Variants in EBF3 observed in about 807,000 individuals in gnomAD.
EBF3 encodes transcription factor COE3.
EBF3 carries 18 observed loss-of-function variants against 77.1 expected under a neutral mutation model. The ratio of observed to expected loss-of-function variants is 0.23; its 90% confidence interval spans 0.16 to 0.35. The LOEUF (loss-of-function observed/expected upper bound fraction) is 0.35, where lower values mean the gene tolerates loss of function less well. Ranked by LOEUF, EBF3 falls within the 10% of genes least tolerant of loss-of-function variation. EBF3 has a pLI of 1.00. For synonymous variants in EBF3, 350 were observed against 343.5 expected, an observed-to-expected ratio of 1.02 and a Z score of -0.21; for missense variants, 558 against 860.0, an observed-to-expected ratio of 0.65 and a Z score of 4.39.
chr10:129,910,326 A>G (rs1255362314), intron 6 of EBF3, among the ~76,000 whole-genome samples: 1 of 152,240 alleles, frequency 6.6e-6, no homozygotes, highest in Non-Finnish European at 1.5e-5. Flanking sequence ...GTCTTTAACA[A>G]AAGAGACTGC....
At chr10:129,872,024 A>C (rs1212551763) in intron 8 of EBF3, among the ~76,000 whole-genome samples, 1 of 152,226 alleles carries the variant, frequency 6.6e-6, no homozygotes, top group African/African-American at 2.4e-5. Flanking sequence ...TTCTGCTTAC[A>C]GTCAAATGCT....
chr10:129,959,820 C>G (rs1439079243), intron 4 of EBF3, among the ~76,000 whole-genome samples: 6 of 151,958 alleles, frequency 3.9e-5, no homozygotes, highest in Non-Finnish European at 8.8e-5. Flanking sequence ...CCAGGGCGCC[C>G]GAGCCCGCGC....
Position 129,932,676 on chromosome 10 carries a change from C to T in EBF3, c.554+24582G>A, listed in dbSNP as rs139165970. Among the ~76,000 whole-genome samples, 275 of 152,254 alleles carry T rather than the reference C, an allele frequency of 1.8e-3. 1 individual carries two copies. The highest frequency in any genetic ancestry group is 6.4e-3 in the African/African-American group (266 of 41,560). The stretch of plus-strand genomic sequence containing the variant: ...TTGCCACGCAATTTTTTTTCCTGCA[C>T]ATTTTGCATTTCAAACCACAGAAAC... On this transcript the variant is annotated intron_variant, in intron 6 of 16. Transcript: ENST00000440978.
intron 6 of EBF3, among the ~76,000 whole-genome samples, chr10:129,953,598 G>A (rs947197346): frequency 2.0e-5 from 3 of 152,200 alleles, no homozygotes; most frequent in African/African-American, 2.4e-5. Context: ...CGCCGGAGAC[G>A]GTGCCATCTG....
intron 6 of EBF3, among the ~76,000 whole-genome samples, chr10:129,905,420 A>G (rs1193143892): frequency 6.7e-6 from 1 of 149,556 alleles, no homozygotes; most frequent in Non-Finnish European, 1.5e-5. Flanking sequence ...TCTTTCTTAT[A>G]TTTTATATTA....
intron 6 of EBF3, among the ~76,000 whole-genome samples, chr10:129,911,842 G>A (rs532578739): frequency 5.3e-5 from 8 of 152,326 alleles, no homozygotes; most frequent in Middle Eastern, 3.4e-3. Context: ...CAGGGAGGCC[G>A]GTTCGGCAGC....
At chr10:129,906,258 T>G (rs1855135632) in intron 6 of EBF3, among the ~76,000 whole-genome samples, 1 of 152,240 alleles carries the variant, frequency 6.6e-6, no homozygotes, top group Non-Finnish European at 1.5e-5. Context: ...TGTGTTAAAT[T>G]TATTACTGCC....
chr10:129,913,195 T>A (rs1257943759), intron 6 of EBF3, among the ~76,000 whole-genome samples: 2 of 152,288 alleles, frequency 1.3e-5, no homozygotes, highest in African/African-American at 4.8e-5. Flanking sequence ...TCAGACACTC[T>A]GACTCCACGT....
chr10:129,904,978 G>A (rs1855039022), intron 6 of EBF3, among the ~76,000 whole-genome samples: 1 of 152,222 alleles, frequency 6.6e-6, no homozygotes, highest in Admixed American at 6.5e-5. Flanking sequence ...TGTCCATAAG[G>A]TGAGGGTTCT....
chr10:129,839,261 G>C, intron 15 of EBF3, 66 bp from the exon 16 acceptor site: 1 of 763,334 alleles, frequency 1.3e-6, no homozygotes, highest in Non-Finnish European at 2.0e-6. Context: ...GGAGTAACTG[G>C]ATTTGAGTCA....
At chr10:129,855,193 C>T (rs1199051037) in intron 10 of EBF3, among the ~76,000 whole-genome samples, 3 of 152,142 alleles carry the variant, frequency 2.0e-5, no homozygotes, top group African/African-American at 4.8e-5. Context: ...GAATTAGAGC[C>T]GCCTCCTTCG....
chr10:129,893,866 C>T (rs1339485711), intron 6 of EBF3, among the ~76,000 whole-genome samples: 1 of 152,218 alleles, frequency 6.6e-6, no homozygotes, highest in African/African-American at 2.4e-5. Context: ...AGCGTGCAGG[C>T]CTGTCAGCAG....
chr10:129,840,702 CG>C (rs1186739577), intron 14 of EBF3, 141 bp downstream of exon 14: 1 of 1,260,244 alleles, frequency 7.9e-7, no homozygotes, highest in Non-Finnish European at 1.1e-6. Flanking sequence ...AATTTACGGT[CG>C]CCATTTGGAC....
intron 8 of EBF3, among the ~76,000 whole-genome samples, chr10:129,868,222 G>C (rs1392879976): frequency 2.0e-5 from 3 of 152,218 alleles, no homozygotes; most frequent in Non-Finnish European, 4.4e-5. Flanking sequence ...GTGGCATGTC[G>C]ATTTATCTGC....
chr10:129,899,131 G>T, intron 6 of EBF3, among the ~76,000 whole-genome samples: 1 of 152,222 alleles, frequency 6.6e-6, no homozygotes. Flanking sequence ...AGAAATCCGC[G>T]CTGCCTTCTC....
chr10:129,947,266 T>C lies in EBF3; in HGVS notation c.554+9992A>G, dbSNP rs1341993203. 6.6e-6 allele frequency among the ~76,000 whole-genome samples: 1 copy of C among 152,218 alleles called. No individual in the cohort carries two copies. Among genetic ancestry groups the C allele is most frequent in the Non-Finnish European group, 1.5e-5 (1 of 68,042 alleles). On this transcript the variant is annotated intron_variant, in intron 6 of 16. Coordinates refer to ENST00000440978, the MANE Select transcript of EBF3 (RefSeq NM_001375380.1). The surrounding 1 kb of genome is among the most constrained non-coding windows in gnomAD (Gnocchi z 4.5). ...ACCTTTCCTAATGGGAAACAAATGC[T>C]GTGGGTGTGAATTCATACTTAACCA...
rs1858668303 is a variant in EBF3, at chr10:129,951,394, T to C, written c.554+5864A>G. On this transcript the variant is annotated intron_variant, in intron 6 of 16. Coordinates refer to ENST00000440978, the MANE Select transcript of EBF3 (RefSeq NM_001375380.1). ...TTCCGTCAACATGCCTCCCAGAGTA[T>C]AGCTTCTGACAGCCCTGCTTCCAGC... Among the ~76,000 whole-genome samples, 3 of 152,342 alleles carry C rather than the reference T, an allele frequency of 2.0e-5. No individual in the cohort carries two copies. The South Asian group carries it at 6.2e-4, about 32-fold the overall frequency.
At chr10:129,962,509 G>T (rs377397869) in intron 3 of EBF3, among the ~76,000 whole-genome samples, 1 of 151,966 alleles carries the variant, frequency 6.6e-6, no homozygotes. Context: ...GTGGGCCCAT[G>T]TGGTCGTTTA....
At chr10:129,930,938 A>G (rs931943568) in intron 6 of EBF3, among the ~76,000 whole-genome samples, 4 of 144,784 alleles carry the variant, frequency 2.8e-5, no homozygotes, top group Admixed American at 2.1e-4. Context: ...TCATATATCT[A>G]TATCTATCTT....
Sources: allele counts gnomAD v4.1 joint callset (sites outside exome capture counted in the v4.1 genomes callset), GRCh38; gene constraint gnomAD v4.1.1; non-coding constraint Gnocchi (gnomAD v3.1); transcripts MANE v1.5; gene names NCBI Gene and HGNC (gene_info 2026-07-23, HGNC 2026-07-21).